The following ARHGAP23 variants were observed in gnomAD, a reference collection of about 807,000 sequenced individuals.
The protein encoded by ARHGAP23 is Rho GTPase activating protein 23, also known as rho GTPase-activating protein 23.
In ARHGAP23, 34 loss-of-function variants were observed where a neutral mutation model predicts 136.3. The ratio of observed to expected loss-of-function variants is 0.25; its 90% CI spans 0.19 to 0.33. ARHGAP23 has a LOEUF of 0.33. Among genes scored for constraint, ARHGAP23 ranks in the 10% least tolerant of loss-of-function variants. The probability of loss-of-function intolerance (pLI) is 1.00; values close to 1 mark genes in which losing one functional copy is unlikely to be tolerated. For missense variants in ARHGAP23, 1,808 were observed against 2,139.0 expected (o/e 0.85, Z 3.05); for synonymous variants, 832 against 920.5 (o/e 0.90, Z 1.74).
intron 17 of ARHGAP23, 76 bp from the exon 18 acceptor site, chr17:38,490,026 C>G: frequency 7.0e-7 from 1 of 1,438,708 alleles, no homozygotes; most frequent in East Asian, 2.5e-5. Flanking sequence ...CACAGCCCTC[C>G]CAGCAGGGCC....
chr17:38,480,806 A>G (rs2040020912), intron 14 of ARHGAP23, among the ~76,000 whole-genome samples: 2 of 146,494 alleles, frequency 1.4e-5, no homozygotes, highest in South Asian at 4.2e-4. Flanking sequence ...CCTGTCTCAA[A>G]AAAAAAAAAA....
At chr17:38,419,917 CT>C (rs975613231) in intron 1 of ARHGAP23, among the ~76,000 whole-genome samples, 2 of 152,186 alleles carry the variant, frequency 1.3e-5, no homozygotes, top group Admixed American at 6.5e-5. Flanking sequence ...GGCTCCCCTC[CT>C]TTCCCAGTCA....
At chr17:38,469,420 C>G in intron 8 of ARHGAP23, 104 bp from the exon 9 acceptor site, 1 of 1,465,172 alleles carries the variant, frequency 6.8e-7, no homozygotes, top group South Asian at 1.3e-5. Context: ...TCCTGCGGCC[C>G]CTTGGGAGAG....
intron 1 of ARHGAP23, among the ~76,000 whole-genome samples, chr17:38,447,978 C>G (rs555804927): frequency 9.2e-5 from 14 of 152,322 alleles, no homozygotes; most frequent in Admixed American, 7.2e-4. Context: ...GAGGGAGGAA[C>G]TGGCCCTCCT....
At chr17:38,455,705 C>A (rs2039308241) in intron 1 of ARHGAP23, among the ~76,000 whole-genome samples, 1 of 152,206 alleles carries the variant, frequency 6.6e-6, no homozygotes, top group Admixed American at 6.5e-5. Context: ...GCAGCCCACA[C>A]TGGGGAGGAG....
At chr17:38,476,061 G>A (rs1318955782) in intron 11 of ARHGAP23, among the ~76,000 whole-genome samples, 3 of 152,222 alleles carry the variant, frequency 2.0e-5, no homozygotes, top group African/African-American at 4.8e-5. Context: ...AGTGAGAAAG[G>A]TGTGAAGATG....
At chr17:38,454,720 G>C (rs2039283555) in intron 1 of ARHGAP23, among the ~76,000 whole-genome samples, 1 of 152,160 alleles carries the variant, frequency 6.6e-6, no homozygotes, top group Non-Finnish European at 1.5e-5. Flanking sequence ...TAGGGTGTGA[G>C]TCACAGTGGG....
At chr17:38,462,045 C>G (rs180903530) in intron 3 of ARHGAP23, among the ~76,000 whole-genome samples, 1 of 152,048 alleles carries the variant, frequency 6.6e-6, no homozygotes, top group Admixed American at 6.5e-5. Flanking sequence ...CTCCACCTCC[C>G]GGGTTCAAGC....
At chr17:38,480,450 G>C (rs1348084168) in intron 14 of ARHGAP23, among the ~76,000 whole-genome samples, 1 of 152,144 alleles carries the variant, frequency 6.6e-6, no homozygotes, top group Admixed American at 6.5e-5. Context: ...TGGCTAACAC[G>C]GTGAAACCCC....
chr17:38,439,789 T>G (rs1410675223), intron 1 of ARHGAP23, among the ~76,000 whole-genome samples: 1 of 152,178 alleles, frequency 6.6e-6, no homozygotes, highest in Non-Finnish European at 1.5e-5. Context: ...TTTTTTTTTT[T>G]TTTGAGACCA....
chr17:38,435,555 C>A (rs918432362), intron 1 of ARHGAP23, among the ~76,000 whole-genome samples: 2 of 152,216 alleles, frequency 1.3e-5, no homozygotes, highest in Admixed American at 1.3e-4. Context: ...TGCCCTGGAA[C>A]CCGATCTCTC....
chr17:38,476,827 G>A (rs1422048962), intron 11 of ARHGAP23, among the ~76,000 whole-genome samples: 2 of 152,170 alleles, frequency 1.3e-5, no homozygotes, highest in African/African-American at 4.8e-5. Flanking sequence ...AGATGCCATA[G>A]CACACCCTCC....
At chr17:38,475,741 G>C (rs955945828) in intron 11 of ARHGAP23, among the ~76,000 whole-genome samples, 1 of 152,152 alleles carries the variant, frequency 6.6e-6, no homozygotes, top group African/African-American at 2.4e-5. Flanking sequence ...GCTGCTGTAG[G>C]CCCTGGGATA....
At position 38,466,794 on chromosome 17, in the gene ARHGAP23, G is replaced by A. The variant is rs1463508663; in HGVS notation, c.1111G>A (p.Val371Met). 1 of 1,549,336 alleles carries A rather than the reference G, an allele frequency of 6.5e-7. No homozygotes were observed. The highest frequency in any genetic ancestry group is 1.2e-5 in the South Asian group (1 of 84,020). ...SAEALGPGALVSPRFERCGWA... is the reference protein window; with the variant it reads ...SAEALGPGALMSPRFERCGWA... ...CGAGGCACTGGGGCCAGGGGCACTGGTGTCACCCCGCTTTGAGCGGTGTGG... is the reference window on the plus strand; with the variant it reads ...CGAGGCACTGGGGCCAGGGGCACTGATGTCACCCCGCTTTGAGCGGTGTGG... The change falls in exon 7 of 24, where the codon GTG (valine) becomes ATG (methionine). Residue 371 changes from valine (V) to methionine (M), a missense_variant. By Grantham distance (21) the Val-to-Met change is conservative. Coordinates refer to ENST00000622683, the MANE Select transcript of ARHGAP23 (RefSeq NM_001199417.2).
At chr17:38,459,394 G>C (rs1238796089) in intron 2 of ARHGAP23, among the ~76,000 whole-genome samples, 1 of 152,230 alleles carries the variant, frequency 6.6e-6, no homozygotes, top group Non-Finnish European at 1.5e-5. Flanking sequence ...CATGCCGGAA[G>C]CTCTGGGGCT....
intron 4 of ARHGAP23, 66 bp from the exon 5 acceptor site, chr17:38,463,052 T>G: frequency 6.5e-7 from 1 of 1,540,116 alleles, no homozygotes; most frequent in Non-Finnish European, 8.8e-7. Context: ...CCATGCCTGG[T>G]ACAGGGGTTC....
chr17:38,425,250 TGCCGATGCCGGA>T (rs1394723324), upstream of ARHGAP23, among the ~76,000 whole-genome samples: 1 of 152,176 alleles, frequency 6.6e-6, no homozygotes, highest in Non-Finnish European at 1.5e-5. Flanking sequence ...CCAGCCACGA[TGCCGATGCCGGA>T]GCCTGCTCTC....
chr17:38,475,286 C>T (rs556642414), intron 11 of ARHGAP23, among the ~76,000 whole-genome samples: 1 of 152,372 alleles, frequency 6.6e-6, no homozygotes, highest in South Asian at 2.1e-4. Context: ...CTGCATGCAG[C>T]CTTGGTGACC....
At chr17:38,465,475 G>C (rs1272129871) in intron 6 of ARHGAP23, among the ~76,000 whole-genome samples, 12 of 152,234 alleles carry the variant, frequency 7.9e-5, no homozygotes, top group Admixed American at 7.8e-4. Context: ...AGGCCACAAG[G>C]CCGCTGTCCC....
Sources: gnomAD v4.1 joint callset for allele counts (sites outside exome capture counted in the v4.1 genomes callset) on GRCh38, gnomAD v4.1.1 for gene constraint, MANE v1.5 for transcripts, NCBI Gene and HGNC (gene_info 2026-07-23, HGNC 2026-07-21) for gene names.